TNFSF4: variants seen among roughly 807,000 people sequenced by gnomAD.
TNFSF4 encodes the protein TNF superfamily member 4, also known as tumor necrosis factor ligand superfamily member 4.
Under a neutral mutation model 7.3 loss-of-function variants are expected in TNFSF4, and 4 were observed. The ratio of observed to expected loss-of-function variants is 0.55; its 90% CI spans 0.27 to 1.25. The LOEUF is 1.25. Ranked by LOEUF, TNFSF4 falls within the 50% of genes most tolerant of loss-of-function variation. TNFSF4 has a pLI of 0.12. For missense variants in TNFSF4, 181 were observed against 208.8 expected, an observed-to-expected ratio of 0.87 and a Z score of 0.82; for synonymous variants, 76 against 83.7, an observed-to-expected ratio of 0.91 and a Z score of 0.50.
At chr1:173,403,898 T>C in the TNFSF4 span, among the ~76,000 whole-genome samples, 1 of 83,902 alleles carries the variant, frequency 1.2e-5, no homozygotes, top group East Asian at 3.2e-4. Context: ...CAAGACTGTG[T>C]CTCAAAAAAA....
At chr1:173,179,436 T>C (rs1474350580), downstream of TNFSF4, among the ~76,000 whole-genome samples, 3 of 152,206 alleles carry the variant, frequency 2.0e-5, no homozygotes, top group Non-Finnish European at 4.4e-5. Flanking sequence ...CTGGGGACTA[T>C]ACTTCTAGCT....
chr1:173,313,529 G>A, the TNFSF4 span, among the ~76,000 whole-genome samples: 1 of 151,976 alleles, frequency 6.6e-6, no homozygotes. Context: ...TCATATGTTA[G>A]TGATGCTGCA....
the TNFSF4 span, among the ~76,000 whole-genome samples, chr1:173,284,766 G>A: frequency 6.6e-6 from 1 of 152,126 alleles, no homozygotes; most frequent in Admixed American, 6.6e-5. Flanking sequence ...ATGGTTTACT[G>A]ACTATCTTTA....
chr1:173,374,946 A>G, the TNFSF4 span, among the ~76,000 whole-genome samples: 3 of 152,154 alleles, frequency 2.0e-5, no homozygotes, highest in Non-Finnish European at 2.9e-5. Flanking sequence ...AGGATTTCTC[A>G]GTTTGCAAGA....
At chr1:173,213,347 C>G in the TNFSF4 span, among the ~76,000 whole-genome samples, 1 of 152,026 alleles carries the variant, frequency 6.6e-6, no homozygotes, top group Admixed American at 6.6e-5. Flanking sequence ...GGCATGATGA[C>G]AGATTCTAAA....
chr1:173,417,067 C>A, the TNFSF4 span, among the ~76,000 whole-genome samples: 1 of 152,168 alleles, frequency 6.6e-6, no homozygotes, highest in African/African-American at 2.4e-5. Flanking sequence ...TTGTGTCCCA[C>A]GGAATGCTAA....
At chr1:173,188,591 AT>A in intron 1 of TNFSF4, 22 bp from the exon 2 acceptor site, 1 of 1,598,578 alleles carries the variant, frequency 6.3e-7, no homozygotes. Context: ...AGAAAGACAT[AT>A]TCTTAGGAAA....
At chr1:173,364,245 A>ATAT in the TNFSF4 span, among the ~76,000 whole-genome samples, 2 of 149,428 alleles carry the variant, frequency 1.3e-5, no homozygotes, top group Non-Finnish European at 3.0e-5. Flanking sequence ...ATATATATGT[A>ATAT]CTGATGTGGA....
At chr1:173,278,129 C>A in the TNFSF4 span, among the ~76,000 whole-genome samples, 2 of 152,022 alleles carry the variant, frequency 1.3e-5, no homozygotes, top group Non-Finnish European at 2.9e-5. Context: ...TTTTTCCCAG[C>A]CTTTTCTGAC....
At chr1:173,364,379 GTGTATA>G in the TNFSF4 span, among the ~76,000 whole-genome samples, 1 of 109,100 alleles carries the variant, frequency 9.2e-6, no homozygotes, top group Non-Finnish European at 1.9e-5. Flanking sequence ...TGGGGTGTAT[GTGTATA>G]TATATATATA....
the TNFSF4 span, among the ~76,000 whole-genome samples, chr1:173,232,375 C>A: frequency 6.6e-6 from 1 of 152,150 alleles, no homozygotes; most frequent in African/African-American, 2.4e-5. Flanking sequence ...TGGGCTGAGA[C>A]AATGGGATTT....
chr1:173,242,505 C>T, the TNFSF4 span, among the ~76,000 whole-genome samples: 15 of 152,298 alleles, frequency 9.8e-5, no homozygotes, highest in East Asian at 2.9e-3. Context: ...AGAAGGAATT[C>T]ATTCTCCTGT....
At chr1:173,303,923 T>C in the TNFSF4 span, among the ~76,000 whole-genome samples, 1 of 151,960 alleles carries the variant, frequency 6.6e-6, no homozygotes, top group Non-Finnish European at 1.5e-5. Context: ...GAAAATATCA[T>C]AATTATTTTT....
chr1:173,320,455 A>G, the TNFSF4 span, among the ~76,000 whole-genome samples: 1 of 152,188 alleles, frequency 6.6e-6, no homozygotes, highest in African/African-American at 2.4e-5. Context: ...CCTATTCAAC[A>G]TAGTATTGGA....
the TNFSF4 span, among the ~76,000 whole-genome samples, chr1:173,325,097 T>C: frequency 6.6e-6 from 1 of 152,136 alleles, no homozygotes; most frequent in Admixed American, 6.5e-5. Flanking sequence ...ATTCCAAAAC[T>C]GACCACATAC....
the TNFSF4 span, among the ~76,000 whole-genome samples, chr1:173,253,088 A>G: frequency 6.6e-6 from 1 of 152,098 alleles, no homozygotes; most frequent in Admixed American, 6.5e-5. Context: ...TGACCCTTCA[A>G]TTTTGGTCAA....
the TNFSF4 span, among the ~76,000 whole-genome samples, chr1:173,427,336 T>C: frequency 1.3e-5 from 2 of 152,164 alleles, no homozygotes; most frequent in Non-Finnish European, 2.9e-5. Context: ...TTGTCACAAC[T>C]GGGGAGTGGC....
At chr1:173,390,961 G>C in the TNFSF4 span, among the ~76,000 whole-genome samples, 1 of 151,700 alleles carries the variant, frequency 6.6e-6, no homozygotes, top group South Asian at 2.1e-4. Context: ...GGCCAGGCTG[G>C]TCTCAAAATC....
chr1:173,428,619 A>G, the TNFSF4 span, among the ~76,000 whole-genome samples: 1 of 152,278 alleles, frequency 6.6e-6, no homozygotes, highest in Non-Finnish European at 1.5e-5. Context: ...TTAATGAATT[A>G]TTGCTAATGT....
Sources: allele counts gnomAD v4.1 joint callset (sites outside exome capture counted in the v4.1 genomes callset), GRCh38; gene constraint gnomAD v4.1.1; transcripts MANE v1.5; gene names NCBI Gene and HGNC (gene_info 2026-07-23, HGNC 2026-07-21).